NRCAM: variants seen among roughly 807,000 people sequenced by gnomAD.
The protein encoded by NRCAM is NgCAM-related cell adhesion molecule.
NRCAM carries 83 observed loss-of-function variants against 156.5 expected under a neutral mutation model. The ratio of observed to expected loss-of-function variants is 0.53; its 90% confidence interval spans 0.44 to 0.64. The LOEUF is 0.64. Ranked by LOEUF, NRCAM falls within the 30% of genes least tolerant of loss-of-function variation. The pLI, the probability that NRCAM is intolerant of heterozygous loss-of-function variation, is 0.00. For missense variants in NRCAM, 1,417 were observed against 1,597.3 expected, an observed-to-expected ratio of 0.89 and a Z score of 1.92; for synonymous variants, 538 against 563.9, an observed-to-expected ratio of 0.95 and a Z score of 0.65.
At chr7:108,229,405 G>T (rs1227439835) in intron 8 of NRCAM, among the ~76,000 whole-genome samples, 1 of 152,156 alleles carries the variant, frequency 6.6e-6, no homozygotes, top group South Asian at 2.1e-4. Context: ...TGGGATTACA[G>T]TGTCAGCCAC....
chr7:108,222,123 C>T (rs186675494), intron 11 of NRCAM, among the ~76,000 whole-genome samples: 46 of 152,208 alleles, frequency 3.0e-4, no homozygotes, highest in African/African-American at 1.0e-3. Flanking sequence ...AATCTGATAA[C>T]ATATTGATAT....
chr7:108,283,801 C>A (rs1391930055), intron 3 of NRCAM, among the ~76,000 whole-genome samples: 2 of 152,146 alleles, frequency 1.3e-5, no homozygotes, highest in Non-Finnish European at 2.9e-5. Context: ...CCTTACAATT[C>A]TCTTACTCCA....
At chr7:108,341,330 C>T (rs1253042542) in intron 2 of NRCAM, among the ~76,000 whole-genome samples, 1 of 152,214 alleles carries the variant, frequency 6.6e-6, no homozygotes, top group East Asian at 1.9e-4. Context: ...GTTTCCTGGA[C>T]ACTGGCTCGG....
chr7:108,385,199 T>A (rs1328878199), intron 2 of NRCAM, among the ~76,000 whole-genome samples: 4 of 152,228 alleles, frequency 2.6e-5, no homozygotes, highest in African/African-American at 9.6e-5. Flanking sequence ...ACATTGAAAA[T>A]GTACACATTA....
chr7:108,187,757 C>G (rs1020607201), intron 20 of NRCAM, among the ~76,000 whole-genome samples: 1 of 151,870 alleles, frequency 6.6e-6, no homozygotes. Flanking sequence ...TGAGACCATT[C>G]TGGCTAGTAC....
chr7:108,168,642 T>C (rs2056476896), intron 28 of NRCAM, among the ~76,000 whole-genome samples: 1 of 152,172 alleles, frequency 6.6e-6, no homozygotes, highest in Non-Finnish European at 1.5e-5. Context: ...GTGAGTTCTA[T>C]TATATGGGTT....
intron 3 of NRCAM, among the ~76,000 whole-genome samples, chr7:108,285,947 C>T (rs1185979390): frequency 6.6e-6 from 1 of 152,156 alleles, no homozygotes; most frequent in Non-Finnish European, 1.5e-5. Flanking sequence ...ACATATGTTT[C>T]ATTCCTTCAG....
intron 2 of NRCAM, among the ~76,000 whole-genome samples, chr7:108,381,558 T>TC (rs2099701161): frequency 6.8e-6 from 1 of 147,978 alleles, no homozygotes; most frequent in African/African-American, 2.6e-5. Context: ...CATTTTTTTT[T>TC]TTCTTTTTTT....
At chr7:108,242,094 T>G (rs1260385529) in intron 3 of NRCAM, among the ~76,000 whole-genome samples, 1 of 151,494 alleles carries the variant, frequency 6.6e-6, no homozygotes, top group Non-Finnish European at 1.5e-5. Context: ...GCTAACATGG[T>G]GAAATCCCGT....
chr7:108,430,438 G>A (rs933244438), intron 1 of NRCAM, among the ~76,000 whole-genome samples: 8 of 152,096 alleles, frequency 5.3e-5, no homozygotes, highest in African/African-American at 9.7e-5. Flanking sequence ...GGGATCTCCC[G>A]ATAGATTAGA....
At chr7:108,432,936 GA>G (rs1827487904) in intron 1 of NRCAM, among the ~76,000 whole-genome samples, 1 of 144,104 alleles carries the variant, frequency 6.9e-6, no homozygotes, top group Non-Finnish European at 1.5e-5. Context: ...AGAGGAGAAA[GA>G]GAAAGAGAAG....
Position 108,263,905 on chromosome 7 carries a change from G to T in NRCAM, c.-106-23735C>A, listed in dbSNP as rs1214681992. 3.3e-5 allele frequency among the ~76,000 whole-genome samples: 5 copies of T among 152,080 alleles called. No homozygotes were observed. In the East Asian group the frequency reaches 7.7e-4, roughly 23 times the overall value. On this transcript the variant is annotated intron_variant, in intron 3 of 32. Coordinates refer to ENST00000379028, the MANE Select transcript of NRCAM (RefSeq NM_001037132.4). ...GCATTCAGTCTTTCCATATTGCATT[G>T]CCTGCTGTTTTTAAAACATACCATA...
intron 11 of NRCAM, among the ~76,000 whole-genome samples, chr7:108,210,718 G>A (rs1426295641): frequency 2.0e-5 from 3 of 152,116 alleles, no homozygotes; most frequent in Non-Finnish European, 4.4e-5. Flanking sequence ...TTGAACTAAT[G>A]ACTTTAGAAA....
intron 2 of NRCAM, among the ~76,000 whole-genome samples, chr7:108,320,587 AAC>A (rs754441147): frequency 7.2e-5 from 11 of 152,198 alleles, no homozygotes; most frequent in Non-Finnish European, 1.5e-4. Flanking sequence ...AACACAAAAC[AAC>A]AGTGAAACTA....
rs571738806 is a variant in NRCAM, at chr7:108,380,504, C to T, written c.-174+18932G>A. Reference sequence around the variant, plus strand: ...TGTCCCTTTTTGGGTTTCCTATTCTCTGTAGATTTGATCAAGCTTATTTTT... The same window carrying T: ...TGTCCCTTTTTGGGTTTCCTATTCTTTGTAGATTTGATCAAGCTTATTTTT... On this transcript the variant is annotated intron_variant, in intron 2 of 32. Transcript: ENST00000379028. Among the ~76,000 whole-genome samples the T allele has an allele frequency of 5.3e-5, 8 of 152,240 alleles. No homozygotes were observed. The East Asian group carries it at 1.3e-3, about 26-fold the overall frequency.
At chr7:108,437,655 A>T (rs1321327540) in intron 1 of NRCAM, among the ~76,000 whole-genome samples, 1 of 152,202 alleles carries the variant, frequency 6.6e-6, no homozygotes, top group African/African-American at 2.4e-5. Context: ...TACTGAAAGA[A>T]AAAAATCTGT....
chr7:108,419,288 C>T (rs1597311311), intron 1 of NRCAM, among the ~76,000 whole-genome samples: 1 of 152,178 alleles, frequency 6.6e-6, no homozygotes, highest in Admixed American at 6.5e-5. Flanking sequence ...TTCCTCTCTT[C>T]GTTACCCTGA....
chr7:108,371,169 T>C (rs955862296), intron 2 of NRCAM, among the ~76,000 whole-genome samples: 1 of 152,160 alleles, frequency 6.6e-6, no homozygotes, highest in East Asian at 1.9e-4. Flanking sequence ...TAAGTAGTTG[T>C]AGGATGAGAA....
At chr7:108,416,972 T>A (rs919114625) in intron 1 of NRCAM, among the ~76,000 whole-genome samples, 1 of 152,214 alleles carries the variant, frequency 6.6e-6, no homozygotes, top group Non-Finnish European at 1.5e-5. Context: ...TACAAACACA[T>A]ATTCTCCAGA....
Sources: gnomAD v4.1 joint callset for allele counts (sites outside exome capture counted in the v4.1 genomes callset) on GRCh38, gnomAD v4.1.1 for gene constraint, MANE v1.5 for transcripts, NCBI Gene and HGNC (gene_info 2026-07-23, HGNC 2026-07-21) for gene names.